CLIC4: variants seen among roughly 807,000 people sequenced by gnomAD.
The protein encoded by CLIC4 is CLIC family member 4, also known as chloride intracellular channel protein 4.
A neutral mutation model predicts 24.6 loss-of-function variants in CLIC4; 13 were observed. The observed-to-expected ratio is 0.53, with a 90% confidence interval of 0.34 to 0.84. The LOEUF is 0.84. Ranked by LOEUF, CLIC4 falls within the 40% of genes least tolerant of loss-of-function variation. The pLI is 0.01. For missense variants in CLIC4, 227 were observed against 301.7 expected (o/e 0.75, Z 1.83); for synonymous variants, 104 against 111.3 (o/e 0.93, Z 0.41).
intron 2 of CLIC4, among the ~76,000 whole-genome samples, chr1:24,799,447 G>A (rs1481199345): frequency 6.1e-5 from 9 of 148,594 alleles, no homozygotes; most frequent in Middle Eastern, 3.6e-3. Context: ...AAGCCCCTCC[G>A]CCCGGCAGCT....
At chr1:24,827,436 CAG>C (rs1253276982) in intron 4 of CLIC4, among the ~76,000 whole-genome samples, 3 of 151,790 alleles carry the variant, frequency 2.0e-5, no homozygotes, top group Admixed American at 6.6e-5. Flanking sequence ...GCATCAGAAA[CAG>C]TGGATTGTGT....
chr1:24,747,533 C>A (rs1347296226), intron 1 of CLIC4, among the ~76,000 whole-genome samples: 376 of 92,634 alleles, frequency 4.1e-3, no homozygotes, highest in East Asian at 5.7e-3. Flanking sequence ...GACTCCATCT[C>A]AAAAAAAAAA....
chr1:24,770,281 C>G (rs1425452495), intron 1 of CLIC4, among the ~76,000 whole-genome samples: 4 of 151,652 alleles, frequency 2.6e-5, no homozygotes, highest in Non-Finnish European at 5.9e-5. Context: ...TCCCTTTCTC[C>G]CTTCCTCCCC....
At chr1:24,793,044 A>AT (rs1332639064) in intron 1 of CLIC4, 2 of 152,098 alleles carry the variant, frequency 1.3e-5, no homozygotes, top group African/African-American at 4.8e-5. Flanking sequence ...CAACTTAATG[A>AT]TTTTAACACT....
intron 4 of CLIC4, among the ~76,000 whole-genome samples, chr1:24,836,192 T>A (rs1193093229): frequency 1.3e-5 from 2 of 152,182 alleles, no homozygotes; most frequent in African/African-American, 4.8e-5. Context: ...TAAACTTATC[T>A]TACCAAATAA....
chr1:24,805,899 T>G (rs1053368603), intron 2 of CLIC4, among the ~76,000 whole-genome samples: 19 of 152,344 alleles, frequency 1.2e-4, no homozygotes, highest in African/African-American at 4.6e-4. Context: ...GTTTTTGTTT[T>G]TATTTCCTTT....
intron 1 of CLIC4, among the ~76,000 whole-genome samples, chr1:24,796,334 G>A (rs1487134813): frequency 3.3e-5 from 5 of 151,866 alleles, no homozygotes; most frequent in African/African-American, 9.7e-5. Context: ...GACTGCAGGC[G>A]CGTACCACCA....
At chr1:24,830,689 A>G (rs1038196209) in intron 4 of CLIC4, among the ~76,000 whole-genome samples, 5 of 152,168 alleles carry the variant, frequency 3.3e-5, no homozygotes, top group Non-Finnish European at 5.9e-5. Flanking sequence ...TAGACAAGAA[A>G]GGGTGTTTTG....
chr1:24,831,374 T>C (rs1295921879), intron 4 of CLIC4, among the ~76,000 whole-genome samples: 1 of 152,232 alleles, frequency 6.6e-6, no homozygotes, highest in African/African-American at 2.4e-5. Context: ...TGACGAATAC[T>C]ATGTTATAAA....
chr1:24,754,696 G>C (rs1638821077), intron 1 of CLIC4, among the ~76,000 whole-genome samples: 1 of 151,910 alleles, frequency 6.6e-6, no homozygotes, highest in Admixed American at 6.6e-5. Flanking sequence ...TTTTCTCATG[G>C]CTTTTAATTA....
chr1:24,764,585 C>T (rs558417260), intron 1 of CLIC4, among the ~76,000 whole-genome samples: 9 of 151,630 alleles, frequency 5.9e-5, no homozygotes, highest in East Asian at 2.0e-4. Context: ...GCCCAGGAGG[C>T]GAAGTTTGCA....
intron 3 of CLIC4, among the ~76,000 whole-genome samples, chr1:24,826,596 C>T (rs1639788826): frequency 6.6e-6 from 1 of 152,210 alleles, no homozygotes; most frequent in Non-Finnish European, 1.5e-5. Context: ...CAAATAGGTA[C>T]ATGGCACTAG....
rs573469577 is a variant in CLIC4 at position 24,786,798 on chromosome 1, T to G, written c.73-10944T>G. ...ACACCCGGCTAATTTTTTTGTATTT[T>G]TAGTAGAGACGAGGTTTCACCATGT... On this transcript the variant is annotated intron_variant, in intron 1 of 5. Transcript: ENST00000374379. 3.6e-3 allele frequency among the ~76,000 whole-genome samples: 546 copies of G among 152,106 alleles called. 3 individuals carry two copies. Among genetic ancestry groups the G allele is most frequent in the Non-Finnish European group, 5.9e-3 (401 of 67,976 alleles).
In CLIC4 at chr1:24,833,840, C is replaced by T. The variant is rs1639862347; in HGVS notation, c.416-6020C>T. On this transcript the variant is annotated intron_variant, in intron 4 of 5. Coordinates refer to ENST00000374379, the MANE Select transcript of CLIC4 (RefSeq NM_013943.3). The stretch of plus-strand genomic sequence containing the variant: ...GCGGCTGGCCGACCCCCCCCCCCCC[C>T]CCCCGCCTCCCTCCCGGACGGGGCG... Among the ~76,000 whole-genome samples the T allele has an allele frequency of 6.6e-5, 2 of 30,394 alleles. 1 individual carries two copies. The highest frequency in any genetic ancestry group is 1.8e-4 in the Non-Finnish European group (2 of 10,848). 19.9% of individuals were successfully genotyped at this position (30,394 alleles called of 152,430 possible).
chr1:24,767,131 C>G (rs774829454), intron 1 of CLIC4, among the ~76,000 whole-genome samples: 22 of 151,526 alleles, frequency 1.5e-4, no homozygotes, highest in Non-Finnish European at 2.8e-4. Flanking sequence ...TCAAAGTGGT[C>G]CTGGGCCACA....
At chr1:24,775,220 C>CTTTTTTT (rs1439553733) in intron 1 of CLIC4, among the ~76,000 whole-genome samples, 1 of 77,032 alleles carries the variant, frequency 1.3e-5, no homozygotes, top group Admixed American at 1.4e-4. Context: ...TCCTTTCTTT[C>CTTTTTTT]TTTCTTTTTT....
At chr1:24,748,235 G>A (rs3120830) in intron 1 of CLIC4, among the ~76,000 whole-genome samples, 3,741 of 152,106 alleles carry the variant, frequency 0.025, 126 homozygotes, top group African/African-American at 0.083. Flanking sequence ...TGAGTCACTT[G>A]CATCCCCTTT....
intron 1 of CLIC4, among the ~76,000 whole-genome samples, chr1:24,791,243 TG>T (rs775909558): frequency 6.6e-6 from 1 of 152,188 alleles, no homozygotes; most frequent in Non-Finnish European, 1.5e-5. Flanking sequence ...AATACAAAAC[TG>T]GGTATAGAAT....
Position 24,811,302 on chromosome 1 carries a change from G to C in CLIC4, c.183-2792G>C, listed in dbSNP as rs1352268391. 2.0e-5 allele frequency among the ~76,000 whole-genome samples: 3 copies of C among 152,152 alleles called. No homozygotes were observed. The East Asian group carries it at 5.8e-4, about 29-fold the overall frequency. On this transcript the variant is annotated intron_variant, in intron 2 of 5. Coordinates refer to ENST00000374379, the MANE Select transcript of CLIC4 (RefSeq NM_013943.3). ...GTGATATCTTGTACCAAGTAGCCAA[G>C]TAAATTTGGAAAATTTTACTATATG...
Sources: gnomAD v4.1 joint callset for allele counts (sites outside exome capture counted in the v4.1 genomes callset) on GRCh38, gnomAD v4.1.1 for gene constraint, MANE v1.5 for transcripts, NCBI Gene and HGNC (gene_info 2026-07-23, HGNC 2026-07-21) for gene names.